Variants in DACH1 observed in about 807,000 individuals in gnomAD.
DACH1 encodes the protein dachshund homolog 1.
Under a neutral mutation model 54.2 loss-of-function variants are expected in DACH1, and 12 were observed. That is an observed-to-expected ratio of 0.22 (90% confidence interval 0.14 to 0.36). The LOEUF is 0.36. DACH1 is among the 10% of genes least tolerant of loss of function. The pLI is 1.00. For missense variants in DACH1, 805 were observed against 929.8 expected (o/e 0.87, Z 1.75); for synonymous variants, 386 against 366.2 (o/e 1.05, Z -0.62).
chr13:71,551,245 T>G (rs1398312398), intron 6 of DACH1, among the ~76,000 whole-genome samples: 1 of 152,142 alleles, frequency 6.6e-6, no homozygotes, highest in Non-Finnish European at 1.5e-5. Flanking sequence ...TACATAATTT[T>G]TAAAGACCAA....
chr13:71,518,167 A>G (rs1881301097), intron 6 of DACH1, among the ~76,000 whole-genome samples: 2 of 151,958 alleles, frequency 1.3e-5, no homozygotes, highest in South Asian at 4.1e-4. Context: ...TGGAGATAGA[A>G]CCTTGAAAGA....
intron 1 of DACH1, among the ~76,000 whole-genome samples, chr13:71,850,729 T>C (rs1289952290): frequency 1.3e-5 from 2 of 152,198 alleles, no homozygotes; most frequent in Non-Finnish European, 2.9e-5. Flanking sequence ...ATAATTTCCA[T>C]ACAGAAGGAC....
chr13:71,556,971 G>C, intron 6 of DACH1, 53 bp downstream of exon 6: 3 of 1,501,940 alleles, frequency 2.0e-6, no homozygotes, highest in Non-Finnish European at 2.7e-6. Context: ...TTAAAATCTA[G>C]TTCTAAAATC....
At chr13:71,735,334 C>T (rs200472517) in intron 1 of DACH1, among the ~76,000 whole-genome samples, 1,300 of 15,128 alleles carry the variant, frequency 0.086, 89 homozygotes, top group East Asian at 0.14. Context: ...TACACGTATA[C>T]GGGATATACG....
chr13:71,506,954 T>C (rs901509760), intron 6 of DACH1, among the ~76,000 whole-genome samples: 3 of 151,266 alleles, frequency 2.0e-5, no homozygotes, highest in Admixed American at 2.0e-4. Flanking sequence ...ATAAAAACCC[T>C]AGAAGAAAAC....
At chr13:71,735,741 A>T (rs1884085243) in intron 1 of DACH1, among the ~76,000 whole-genome samples, 1 of 151,952 alleles carries the variant, frequency 6.6e-6, no homozygotes. Flanking sequence ...CTTATTCTAG[A>T]AGTAATTTAG....
chr13:71,744,532 A>C (rs1323747979), intron 1 of DACH1, among the ~76,000 whole-genome samples: 1 of 152,196 alleles, frequency 6.6e-6, no homozygotes, highest in Admixed American at 6.5e-5. Flanking sequence ...AGTGTGGCCT[A>C]TCCACATAGG....
At chr13:71,804,028 A>G (rs1487595829) in intron 1 of DACH1, among the ~76,000 whole-genome samples, 2 of 152,010 alleles carry the variant, frequency 1.3e-5, no homozygotes, top group Non-Finnish European at 2.9e-5. Flanking sequence ...TTAAAAATAT[A>G]TGCTACAAAG....
At chr13:71,864,759 G>A (rs570396394) in intron 1 of DACH1, among the ~76,000 whole-genome samples, 104 of 143,998 alleles carry the variant, frequency 7.2e-4, no homozygotes, top group African/African-American at 2.6e-3. Context: ...CCCCCTCTTG[G>A]TAGATCCTCC....
intron 1 of DACH1, among the ~76,000 whole-genome samples, chr13:71,775,233 C>T (rs1347681175): frequency 7.1e-6 from 1 of 140,128 alleles, no homozygotes; most frequent in Non-Finnish European, 1.5e-5. Flanking sequence ...AGCCCAGGAG[C>T]TTGAGGCTAT....
chr13:71,779,704 C>T (rs1324668821), intron 1 of DACH1, among the ~76,000 whole-genome samples: 1 of 152,112 alleles, frequency 6.6e-6, no homozygotes, highest in Non-Finnish European at 1.5e-5. Flanking sequence ...CTCTCCACCT[C>T]TCCTTTCCCC....
At chr13:71,576,500 A>G (rs556088045) in intron 3 of DACH1, among the ~76,000 whole-genome samples, 1 of 152,176 alleles carries the variant, frequency 6.6e-6, no homozygotes, top group East Asian at 1.9e-4. Flanking sequence ...GCTCACCCTC[A>G]CTTGATATTT....
At chr13:71,590,328 A>G (rs1333660659) in intron 3 of DACH1, among the ~76,000 whole-genome samples, 1 of 152,206 alleles carries the variant, frequency 6.6e-6, no homozygotes, top group Non-Finnish European at 1.5e-5. Flanking sequence ...TGTGTTTTAA[A>G]TTATTTGGAG....
intron 1 of DACH1, among the ~76,000 whole-genome samples, chr13:71,746,190 C>G (rs1355895641): frequency 1.3e-5 from 2 of 152,052 alleles, no homozygotes; most frequent in Non-Finnish European, 2.9e-5. Context: ...TGCACTCCAG[C>G]CTGATGACAG....
intron 2 of DACH1, among the ~76,000 whole-genome samples, chr13:71,636,166 T>C (rs1877476420): frequency 6.6e-6 from 1 of 152,084 alleles, no homozygotes; most frequent in Non-Finnish European, 1.5e-5. Context: ...AAGACAGAAG[T>C]GATGTTCTCC....
intron 10 of DACH1, among the ~76,000 whole-genome samples, chr13:71,468,821 C>A (rs1345111092): frequency 6.6e-6 from 1 of 152,102 alleles, no homozygotes; most frequent in Non-Finnish European, 1.5e-5. Flanking sequence ...ACTTTATTTT[C>A]TTTGCTTAGA....
chr13:71,634,943 A>G (rs1052359997), intron 2 of DACH1, among the ~76,000 whole-genome samples: 2 of 152,158 alleles, frequency 1.3e-5, no homozygotes, highest in African/African-American at 2.4e-5. Context: ...TAAACTCTTT[A>G]TTGCTCTTTT....
At chr13:71,806,450 C>CT (rs910529898) in intron 1 of DACH1, among the ~76,000 whole-genome samples, 5 of 151,848 alleles carry the variant, frequency 3.3e-5, no homozygotes, top group African/African-American at 9.7e-5. Flanking sequence ...CTGACAATTT[C>CT]TTTTTTTTCC....
intron 6 of DACH1, among the ~76,000 whole-genome samples, chr13:71,550,896 C>T (rs946161796): frequency 2.0e-5 from 3 of 151,800 alleles, no homozygotes; most frequent in Non-Finnish European, 4.4e-5. Flanking sequence ...GATATGCCAA[C>T]AAAAGATATA....
Sources: gnomAD v4.1 joint callset for allele counts (sites outside exome capture counted in the v4.1 genomes callset) on GRCh38, gnomAD v4.1.1 for gene constraint, MANE v1.5 for transcripts, NCBI Gene and HGNC (gene_info 2026-07-23, HGNC 2026-07-21) for gene names.